Variants in CLSTN2 observed in about 807,000 individuals in gnomAD.
CLSTN2 encodes calsyntenin-2.
A neutral mutation model predicts 101.2 loss-of-function variants in CLSTN2; 48 were observed. That is an observed-to-expected ratio of 0.47 (90% CI 0.38 to 0.60). The LOEUF is 0.60. Among genes scored for constraint, CLSTN2 ranks in the 20% least tolerant of loss-of-function variants. The pLI, the probability that CLSTN2 is intolerant of heterozygous loss-of-function variation, is 0.00. For missense variants in CLSTN2, 1,160 were observed against 1,238.2 expected (o/e 0.94, Z 0.95); for synonymous variants, 481 against 463.6 (o/e 1.04, Z -0.48).
intron 1 of CLSTN2, among the ~76,000 whole-genome samples, chr3:140,079,402 A>G (rs1043645908): frequency 6.6e-6 from 1 of 152,198 alleles, no homozygotes; most frequent in Non-Finnish European, 1.5e-5. Flanking sequence ...GACAATCTCT[A>G]GAAATACTCA....
In CLSTN2 at chr3:140,337,530, A is replaced by T. The variant is rs940078727; in HGVS notation, c.233-66099A>T. 6.6e-5 allele frequency among the ~76,000 whole-genome samples: 10 copies of T among 152,338 alleles called. No homozygotes were observed. The East Asian group carries it at 1.2e-3, about 18-fold the overall frequency. On this transcript the variant is annotated intron_variant, in intron 2 of 16. Coordinates refer to ENST00000458420, the MANE Select transcript of CLSTN2 (RefSeq NM_022131.3). ...TGCAAAGACCCTATTTTCAAATAAC[A>T]TTACATTCACAGGTACCAGGGAGTT...
chr3:140,047,360 A>G (rs956250799), intron 1 of CLSTN2, among the ~76,000 whole-genome samples: 1 of 152,138 alleles, frequency 6.6e-6, no homozygotes, highest in African/African-American at 2.4e-5. Flanking sequence ...ATGGCCTTAC[A>G]ACTTTCTTTT....
At chr3:140,456,539 C>A (rs1189483577) in intron 6 of CLSTN2, among the ~76,000 whole-genome samples, 1 of 152,164 alleles carries the variant, frequency 6.6e-6, no homozygotes, top group African/African-American at 2.4e-5. Flanking sequence ...GTAATCCCAG[C>A]ACTTTGGGAG....
At chr3:140,541,888 C>T (rs1041837164) in intron 9 of CLSTN2, among the ~76,000 whole-genome samples, 1 of 152,134 alleles carries the variant, frequency 6.6e-6, no homozygotes, top group Non-Finnish European at 1.5e-5. Context: ...TTCTGGAAAC[C>T]ACACCAGGCA....
chr3:140,365,805 G>A (rs370299640), intron 2 of CLSTN2, among the ~76,000 whole-genome samples: 16 of 152,298 alleles, frequency 1.1e-4, no homozygotes, highest in African/African-American at 3.8e-4. Context: ...CTGCACATTT[G>A]AAACAAAAAC....
intron 2 of CLSTN2, among the ~76,000 whole-genome samples, chr3:140,200,229 A>G (rs1444922099): frequency 6.6e-6 from 1 of 152,204 alleles, no homozygotes; most frequent in East Asian, 1.9e-4. Context: ...TGGTTATGGT[A>G]TGATGCAGTG....
chr3:139,964,156 A>G (rs146674526), intron 1 of CLSTN2, among the ~76,000 whole-genome samples: 136 of 152,360 alleles, frequency 8.9e-4, no homozygotes, highest in African/African-American at 2.9e-3. Flanking sequence ...TTCTAACAAC[A>G]TAGTGCTATA....
At chr3:140,511,541 C>CT (rs59924727) in intron 8 of CLSTN2, among the ~76,000 whole-genome samples, 1,075 of 70,894 alleles carry the variant, frequency 0.015, 157 homozygotes, top group Non-Finnish European at 0.018. Flanking sequence ...TGTTTCTGGA[C>CT]TTTTTTTTTT....
chr3:140,251,432 T>G (rs998317556), intron 2 of CLSTN2, among the ~76,000 whole-genome samples: 10 of 152,214 alleles, frequency 6.6e-5, no homozygotes, highest in Admixed American at 2.0e-4. Flanking sequence ...GAGTCTGAAG[T>G]GCTAATTTCC....
intron 2 of CLSTN2, among the ~76,000 whole-genome samples, chr3:140,320,132 G>C (rs2087267655): frequency 6.6e-6 from 1 of 152,190 alleles, no homozygotes; most frequent in African/African-American, 2.4e-5. Flanking sequence ...GACAACCCTT[G>C]TGCTCAGGTT....
rs116873793 is a variant in CLSTN2, at chr3:140,082,210, T to A, written c.110-93741T>A. On this transcript the variant is annotated intron_variant, in intron 1 of 16. Coordinates refer to ENST00000458420, the MANE Select transcript of CLSTN2 (RefSeq NM_022131.3). ...CAATGTAATCCTTTCTGCTTCACAC[T>A]GCAGCCTTTCTCCTGAAGTTATTTG... 4.7e-3 allele frequency among the ~76,000 whole-genome samples: 715 copies of A among 152,330 alleles called. 16 individuals are homozygous for A. Among genetic ancestry groups the A allele is most frequent in the East Asian group, 0.031 (158 of 5,176 alleles).
chr3:139,940,876 C>T lies in CLSTN2; in HGVS notation c.109+5393C>T, dbSNP rs184157548. 1.3e-3 allele frequency among the ~76,000 whole-genome samples: 200 copies of T among 152,176 alleles called. 1 individual carries two copies. The highest frequency in any genetic ancestry group is 1.6e-3 in the Non-Finnish European group (108 of 68,024). ...TTGCTATCTAAGTAAATAAACAAGCCTGTCTCCATGTGCTAGTGCCAGAGG... is the reference window on the plus strand; with the variant it reads ...TTGCTATCTAAGTAAATAAACAAGCTTGTCTCCATGTGCTAGTGCCAGAGG... On this transcript the variant is annotated intron_variant, in intron 1 of 16. Coordinates refer to ENST00000458420, the MANE Select transcript of CLSTN2 (RefSeq NM_022131.3).
At chr3:140,339,965 C>T (rs1362637380) in intron 2 of CLSTN2, among the ~76,000 whole-genome samples, 1 of 152,176 alleles carries the variant, frequency 6.6e-6, no homozygotes, top group Non-Finnish European at 1.5e-5. Flanking sequence ...GGATGTGTGA[C>T]TTTGGGCAAG....
intron 2 of CLSTN2, among the ~76,000 whole-genome samples, chr3:140,384,501 G>A (rs1258855919): frequency 2.6e-5 from 4 of 152,122 alleles, no homozygotes; most frequent in Non-Finnish European, 5.9e-5. Flanking sequence ...CAGTCATATC[G>A]AAGGTGCTTG....
chr3:140,356,865 T>C (rs2087676977), intron 2 of CLSTN2, among the ~76,000 whole-genome samples: 1 of 152,144 alleles, frequency 6.6e-6, no homozygotes, highest in East Asian at 1.9e-4. Flanking sequence ...AATTGGAAAT[T>C]AAAATGCACT....
chr3:140,419,506 T>C (rs1386694036), intron 4 of CLSTN2, among the ~76,000 whole-genome samples: 2 of 63,926 alleles, frequency 3.1e-5, no homozygotes, highest in Non-Finnish European at 5.0e-5. Flanking sequence ...TATATATATA[T>C]ATATATACAC....
intron 1 of CLSTN2, among the ~76,000 whole-genome samples, chr3:139,980,288 C>T (rs1009879891): frequency 1.3e-5 from 2 of 152,092 alleles, no homozygotes; most frequent in African/African-American, 4.8e-5. Context: ...GTTCTTCTTG[C>T]ACTTTCTTCA....
At position 140,566,262 on chromosome 3, in the gene CLSTN2, G is replaced by T; in HGVS notation, c.*9G>T. The T allele has an allele frequency of 1.9e-6, 3 of 1,556,984 alleles. No homozygotes were observed. Among genetic ancestry groups the T allele is most frequent in the Non-Finnish European group, 2.6e-6 (3 of 1,150,636 alleles). On this transcript the variant is annotated 3_prime_UTR_variant, in exon 17 of 17. Transcript: ENST00000458420. ...CCACCCTCCCCTACTAGTGCCCAGG[G>T]GTCTGCTGCCTGGCCCACATGTCCC...
chr3:140,204,685 C>T (rs2010757854), intron 2 of CLSTN2, among the ~76,000 whole-genome samples: 1 of 151,964 alleles, frequency 6.6e-6, no homozygotes, highest in Non-Finnish European at 1.5e-5. Flanking sequence ...TCCAATATGC[C>T]CAAATGTCCC....
Sources: gnomAD v4.1 joint callset for allele counts (sites outside exome capture counted in the v4.1 genomes callset) on GRCh38, gnomAD v4.1.1 for gene constraint, MANE v1.5 for transcripts, NCBI Gene and HGNC (gene_info 2026-07-23, HGNC 2026-07-21) for gene names.